The following LUZP2 variants were observed in gnomAD, a reference collection of about 807,000 sequenced individuals.
The protein encoded by LUZP2 is leucine zipper protein 2.
Under a neutral mutation model 51.6 loss-of-function variants are expected in LUZP2, and 52 were observed. The observed-to-expected ratio is 1.01, with a 90% CI of 0.81 to 1.27. The LOEUF is 1.27. LUZP2 is among the 50% of genes most tolerant of loss of function. The pLI is 0.00. For synonymous variants in LUZP2, 154 were observed against 137.3 expected (o/e 1.12, Z -0.85); for missense variants, 436 against 395.4 (o/e 1.10, Z -0.87).
chr11:24,642,715 C>T (rs1995841), intron 1 of LUZP2, among the ~76,000 whole-genome samples: 53,446 of 150,176 alleles, frequency 0.36, 9,716 homozygotes, highest in Middle Eastern at 0.44. Flanking sequence ...AATTTTGCAA[C>T]AGGGGAGACA....
chr11:24,503,067 A>G (rs1198480738), intron 1 of LUZP2, among the ~76,000 whole-genome samples: 1 of 152,202 alleles, frequency 6.6e-6, no homozygotes, highest in African/African-American at 2.4e-5. Context: ...AATCACTGAT[A>G]TAGAGGCAGC....
At chr11:24,938,640 A>G (rs1165226989) in intron 7 of LUZP2, among the ~76,000 whole-genome samples, 2 of 151,786 alleles carry the variant, frequency 1.3e-5, no homozygotes, top group Admixed American at 6.6e-5. Context: ...CTCCTTCTTC[A>G]TGTATTAAAT....
chr11:24,979,526 A>T (rs933038151), intron 8 of LUZP2, among the ~76,000 whole-genome samples: 11 of 151,948 alleles, frequency 7.2e-5, no homozygotes, highest in African/African-American at 2.7e-4. Context: ...AGTACTTCAT[A>T]CGTATTATGA....
intron 1 of LUZP2, among the ~76,000 whole-genome samples, chr11:24,617,381 A>G (rs1854324880): frequency 6.6e-6 from 1 of 152,066 alleles, no homozygotes; most frequent in Non-Finnish European, 1.5e-5. Flanking sequence ...GTTCATCGTT[A>G]TTCATTGAAG....
rs539196494 is a variant in LUZP2 at position 24,919,470 on chromosome 11, T to C, written c.522+4932T>C. Among the ~76,000 whole-genome samples, 29 of 134,448 alleles carry C rather than the reference T, an allele frequency of 2.2e-4. No homozygotes were observed. In the South Asian group the frequency reaches 5.0e-3, roughly 23 times the overall value. 88.2% of individuals were successfully genotyped at this position (134,448 alleles called of 152,430 possible). ...TATGACATATATTGATAATATATGT[T>C]ATATATTATATATAATATATATTCT... On this transcript the variant is annotated intron_variant, in intron 7 of 11. Transcript: ENST00000336930.
At chr11:24,704,225 A>C (rs950897425) in intron 1 of LUZP2, among the ~76,000 whole-genome samples, 12 of 152,178 alleles carry the variant, frequency 7.9e-5, no homozygotes, top group African/African-American at 2.9e-4. Flanking sequence ...AGCAAACATG[A>C]AATGGTCATT....
chr11:24,860,744 AAAC>A (rs1193057488), intron 5 of LUZP2, among the ~76,000 whole-genome samples: 2 of 152,186 alleles, frequency 1.3e-5, no homozygotes, highest in Non-Finnish European at 2.9e-5. Flanking sequence ...AACAGGCAGA[AAAC>A]AACAACAACT....
At chr11:24,861,865 G>A (rs2134246612) in intron 5 of LUZP2, among the ~76,000 whole-genome samples, 1 of 152,230 alleles carries the variant, frequency 6.6e-6, no homozygotes, top group African/African-American at 2.4e-5. Context: ...CAGGGAACAG[G>A]ACCCATGATC....
At chr11:25,012,650 C>T (rs1489788253) in intron 9 of LUZP2, among the ~76,000 whole-genome samples, 1 of 152,012 alleles carries the variant, frequency 6.6e-6, no homozygotes, top group Non-Finnish European at 1.5e-5. Flanking sequence ...CAGAGAACTG[C>T]AAATATGAAC....
At chr11:24,534,861 G>A (rs1178367033) in intron 1 of LUZP2, among the ~76,000 whole-genome samples, 5 of 151,298 alleles carry the variant, frequency 3.3e-5, no homozygotes, top group Admixed American at 1.3e-4. Flanking sequence ...GTGGTCCTTG[G>A]CAATGCAGGT....
intron 5 of LUZP2, among the ~76,000 whole-genome samples, chr11:24,845,136 C>T (rs867566290): frequency 2.6e-5 from 4 of 152,102 alleles, no homozygotes; most frequent in Admixed American, 6.5e-5. Flanking sequence ...CAATGCCAGC[C>T]GGTGAAGGCA....
At chr11:24,828,626 A>C (rs1009692986) in intron 5 of LUZP2, among the ~76,000 whole-genome samples, 1 of 151,724 alleles carries the variant, frequency 6.6e-6, no homozygotes, top group African/African-American at 2.4e-5. Context: ...TTTAAAATCA[A>C]CTTCTGAATG....
chr11:24,572,692 C>G (rs1876823), intron 1 of LUZP2, among the ~76,000 whole-genome samples: 27,740 of 151,884 alleles, frequency 0.18, 2,873 homozygotes, highest in African/African-American at 0.27. Flanking sequence ...CTCTCTGCAT[C>G]AGGGATTTTG....
rs1299368298 is a variant in LUZP2 at position 24,741,963 on chromosome 11, TA to T, written c.333+3664del. Among the ~76,000 whole-genome samples the T allele has an allele frequency of 7.3e-5, 9 of 123,920 alleles. 1 individual carries two copies. The highest frequency in any genetic ancestry group is 9.3e-5 in the African/African-American group (3 of 32,360). The allele number at this position is 123,920 out of a possible 152,430, so 81.3% of individuals were successfully genotyped here. A position where few individuals can be genotyped will look rare whatever the true frequency, so the allele number is the denominator to read the frequency against. On this transcript the variant is annotated intron_variant, in intron 4 of 11. Transcript: ENST00000336930. ...AATATATACATTTATATATTATATA[TA>T]AATATATACATTTATATATTATATA...
At chr11:25,063,900 A>G (rs141919223) in intron 10 of LUZP2, among the ~76,000 whole-genome samples, 2 of 151,974 alleles carry the variant, frequency 1.3e-5, no homozygotes, top group Admixed American at 1.3e-4. Flanking sequence ...CATGAAGAAT[A>G]GGACAGTCAG....
intron 1 of LUZP2, among the ~76,000 whole-genome samples, chr11:24,617,089 G>A (rs527944086): frequency 4.2e-4 from 64 of 152,254 alleles, no homozygotes; most frequent in African/African-American, 1.5e-3. Context: ...TTAAAACAGA[G>A]GTAGTAGATG....
intron 1 of LUZP2, among the ~76,000 whole-genome samples, chr11:24,594,177 A>G (rs1853351682): frequency 6.6e-6 from 1 of 152,220 alleles, no homozygotes; most frequent in African/African-American, 2.4e-5. Flanking sequence ...TTCAATCAAG[A>G]CAGAGAGAAA....
intron 5 of LUZP2, among the ~76,000 whole-genome samples, chr11:24,851,871 A>G (rs1272875920): frequency 6.6e-6 from 1 of 152,042 alleles, no homozygotes; most frequent in Non-Finnish European, 1.5e-5. Context: ...CCAGGAATTT[A>G]TCCATTTCTT....
chr11:24,905,170 G>C (rs1003878891), intron 5 of LUZP2, among the ~76,000 whole-genome samples: 1 of 151,900 alleles, frequency 6.6e-6, no homozygotes, highest in African/African-American at 2.4e-5. Flanking sequence ...AGAATAGTAG[G>C]GTACTTTAAT....
Sources: allele counts gnomAD v4.1 joint callset (sites outside exome capture counted in the v4.1 genomes callset), GRCh38; gene constraint gnomAD v4.1.1; transcripts MANE v1.5; gene names NCBI Gene and HGNC (gene_info 2026-07-23, HGNC 2026-07-21).